Variants in TRAPPC3 observed in about 807,000 individuals in gnomAD.
TRAPPC3 encodes the protein trafficking protein particle complex 3.
TRAPPC3 carries 5 observed loss-of-function variants against 18.2 expected under a neutral mutation model. The observed-to-expected ratio is 0.28, with a 90% confidence interval of 0.14 to 0.58. The LOEUF is 0.58. Among genes scored for constraint, TRAPPC3 ranks in the 20% least tolerant of loss-of-function variants. The probability of loss-of-function intolerance (pLI) is 0.91; values close to 1 mark genes in which losing one functional copy is unlikely to be tolerated. For missense variants in TRAPPC3, 176 were observed against 225.9 expected (o/e 0.78, Z 1.41); for synonymous variants, 65 against 84.2 (o/e 0.77, Z 1.25).
At position 36,146,592 on chromosome 1, in the gene TRAPPC3, TA is replaced by T. The variant is rs58611478; in HGVS notation, c.42+2744del. On this transcript the variant is annotated intron_variant, in intron 1 of 4. Coordinates refer to ENST00000373166, the MANE Select transcript of TRAPPC3 (RefSeq NM_014408.5). ...AGCCACCGCACCCAGCCTACTTCAT[TA>T]AAAAAAAAAAAAAAAAAAAAAAAGA... Among the ~76,000 whole-genome samples the T allele has an allele frequency of 7.5e-3, 619 of 82,986 alleles. 2 individuals are homozygous for T. The highest frequency in any genetic ancestry group is 0.026 in the African/African-American group (426 of 16,674). The allele number at this position is 82,986 out of a possible 152,430, so 54.4% of individuals were successfully genotyped here.
At position 36,137,876 on chromosome 1, in the gene TRAPPC3, A is replaced by G. The variant is rs1187402503; in HGVS notation, c.343T>C (p.Phe115Leu). 15 of 1,614,102 alleles carry G rather than the reference A, an allele frequency of 9.3e-6. No homozygotes were observed. The highest frequency in any genetic ancestry group is 1.3e-5 in the Non-Finnish European group (15 of 1,180,048). ...GAGTGGTTATCAGGAAGTTCCACAA[A>G]GTCCACCAAGGGGTTATTTTCCAAA... ...LILENNPLVDFVELPDNHSSL... is the reference protein window; with the variant it reads ...LILENNPLVDLVELPDNHSSL... The change falls in exon 4 of 5, where the codon TTT (phenylalanine) becomes CTT (leucine). Residue 115 changes from phenylalanine to leucine, a missense_variant. Around this residue, in one of 2 missense-constraint regions of TRAPPC3, gnomAD observed 147 missense variants for 164.3 expected, o/e 0.89. Coordinates refer to ENST00000373166, the MANE Select transcript of TRAPPC3 (RefSeq NM_014408.5).
upstream of TRAPPC3, among the ~76,000 whole-genome samples, chr1:36,151,010 C>A (rs1644266815): frequency 6.6e-6 from 1 of 152,202 alleles, no homozygotes; most frequent in Non-Finnish European, 1.5e-5. Flanking sequence ...CCCCACCCTG[C>A]CTGCTGTCAA....
intron 1 of TRAPPC3, among the ~76,000 whole-genome samples, chr1:36,142,779 C>T (rs1053173162): frequency 6.6e-6 from 1 of 152,156 alleles, no homozygotes; most frequent in South Asian, 2.1e-4. Context: ...CTGGTAATCC[C>T]GGCACTTTGG....
intron 1 of TRAPPC3, among the ~76,000 whole-genome samples, chr1:36,144,821 G>C (rs1319003660): frequency 6.6e-6 from 1 of 152,194 alleles, no homozygotes; most frequent in Admixed American, 6.5e-5. Flanking sequence ...TAATGGACTT[G>C]AATGTGCTTT....
At chr1:36,143,176 G>C (rs1019472987) in intron 1 of TRAPPC3, among the ~76,000 whole-genome samples, 1 of 151,828 alleles carries the variant, frequency 6.6e-6, no homozygotes, top group Non-Finnish European at 1.5e-5. Context: ...TGAAATACAT[G>C]ATTTGCCAGA....
intron 1 of TRAPPC3, 114 bp from the exon 2 acceptor site, chr1:36,140,280 G>T: frequency 1.6e-6 from 1 of 637,482 alleles, no homozygotes; most frequent in Non-Finnish European, 2.5e-6. Flanking sequence ...GTGTCTGGAG[G>T]GAAAGAACAT....
chr1:36,150,317 A>G (rs907941608), upstream of TRAPPC3, among the ~76,000 whole-genome samples: 1 of 152,228 alleles, frequency 6.6e-6, no homozygotes, highest in African/African-American at 2.4e-5. Context: ...CTCCAAAAAC[A>G]AGCCAACAAA....
chr1:36,142,611 C>G (rs559816478), intron 1 of TRAPPC3, among the ~76,000 whole-genome samples: 1 of 152,276 alleles, frequency 6.6e-6, no homozygotes, highest in Admixed American at 6.5e-5. Context: ...GAATGGGATC[C>G]CTGAGTTAGG....
chr1:36,140,133 G>A lies in TRAPPC3; in HGVS notation c.76C>T (p.Leu26=), dbSNP rs574799798. 5.7e-5 allele frequency: 92 copies of A among 1,603,966 alleles called. No individual in the cohort carries two copies. The highest frequency in any genetic ancestry group is 7.4e-5 in the Non-Finnish European group (87 of 1,177,166). ...TAGTCCTTACATAGCTGGGTGACCAGGGCACCATAGGTCAGGGTGAAGAGC... is the reference window on the plus strand; with the variant it reads ...TAGTCCTTACATAGCTGGGTGACCAAGGCACCATAGGTCAGGGTGAAGAGC... ...SELFTLTYGA[L]VTQLCKDYEN... The change falls in exon 2 of 5, where the codon CTG becomes TTG. Residue 26 remains leucine (L), a synonymous_variant. Transcript: ENST00000373166.
At position 36,146,036 on chromosome 1, in the gene TRAPPC3, C is replaced by T. The variant is rs1005834166; in HGVS notation, c.42+3301G>A. Reference sequence around the variant, plus strand: ...CTCGTGATCCACCCGCCCTGGCCTCCCAAAGTGCTGGGATTACAGGCGTGA... The same window carrying T: ...CTCGTGATCCACCCGCCCTGGCCTCTCAAAGTGCTGGGATTACAGGCGTGA... On this transcript the variant is annotated intron_variant, in intron 1 of 4. Transcript: ENST00000373166. 7.2e-5 allele frequency among the ~76,000 whole-genome samples: 11 copies of T among 152,206 alleles called. No individual in the cohort carries two copies. In the Middle Eastern group the frequency reaches 0.01, roughly 141 times the overall value.
chr1:36,138,180 A>G (rs1461397028), intron 3 of TRAPPC3: 6 of 1,550,664 alleles, frequency 3.9e-6, no homozygotes, highest in African/African-American at 1.4e-5. Context: ...GGCATCATAC[A>G]GTTTTGCCTG....
chr1:36,147,535 T>C (rs1369430707), intron 1 of TRAPPC3, among the ~76,000 whole-genome samples: 1 of 151,428 alleles, frequency 6.6e-6, no homozygotes, highest in Non-Finnish European at 1.5e-5. Flanking sequence ...TACCAGCTAC[T>C]TGGGAGGCTG....
chr1:36,140,115 T>G lies in TRAPPC3; in HGVS notation c.94A>C (p.Lys32Gln), dbSNP rs145641137. ...TYGALVTQLC[K>Q]DYENDEDVNK... ...ACATCTTCATCATTTTCATAGTCCT[T>G]ACATAGCTGGGTGACCAGGGCACCA... is the stretch of plus-strand genomic sequence containing the variant. The change falls in exon 2 of 5, where the codon AAG becomes CAG. Residue 32 changes from lysine to glutamine, a missense_variant. Coordinates refer to ENST00000373166, the MANE Select transcript of TRAPPC3 (RefSeq NM_014408.5). 3.7e-6 allele frequency: 6 copies of G among 1,605,044 alleles called. No homozygotes were observed. The African/African-American group carries it at 8.1e-5, about 22-fold the overall frequency.
At chr1:36,137,654 C>A (rs1489210469) in intron 4 of TRAPPC3, 142 bp downstream of exon 4, 3 of 892,636 alleles carry the variant, frequency 3.4e-6, no homozygotes. Flanking sequence ...GACTTGGATC[C>A]TACCTCAGCA....
chr1:36,143,531 T>C (rs1314455267), intron 1 of TRAPPC3, among the ~76,000 whole-genome samples: 1 of 152,194 alleles, frequency 6.6e-6, no homozygotes, highest in East Asian at 1.9e-4. Context: ...TTGTGACTTT[T>C]AAAACAAAAG....
At chr1:36,146,257 T>C (rs1272406454) in intron 1 of TRAPPC3, among the ~76,000 whole-genome samples, 2 of 150,910 alleles carry the variant, frequency 1.3e-5, no homozygotes, top group Admixed American at 1.3e-4. Context: ...TTTTGTATTT[T>C]TAGTAGAGAT....
intron 1 of TRAPPC3, among the ~76,000 whole-genome samples, chr1:36,143,730 C>T (rs111704168): frequency 5.9e-5 from 9 of 152,330 alleles, no homozygotes; most frequent in African/African-American, 1.9e-4. Flanking sequence ...TTACAGATGA[C>T]AGGTTAAGTA....
intron 1 of TRAPPC3, among the ~76,000 whole-genome samples, chr1:36,145,027 T>G (rs1050721748): frequency 2.4e-4 from 37 of 151,932 alleles, no homozygotes; most frequent in African/African-American, 8.0e-4. Context: ...GATCTTTTTT[T>G]TCTTTTTTTT....
rs141225393 is a variant in TRAPPC3, at chr1:36,137,826, C to A, written c.393G>T (p.Leu131Phe). Residue 131 changes from leucine (L) to phenylalanine (F), a missense_variant, in exon 4 of 5, where the codon TTG becomes TTT. Around this residue, in one of 2 missense-constraint regions of TRAPPC3, gnomAD observed 147 missense variants for 164.3 expected, o/e 0.89. Transcript: ENST00000373166. ...NHSSLIYSNL[L>F]CGVLRGALEM... The stretch of plus-strand genomic sequence containing the variant: ...CCAAAGCTCCCCGCAACACCCCACA[C>A]AAGAGATTGGAATAAATAAGGGATG... 515 of 1,614,190 alleles carry A rather than the reference C, an allele frequency of 3.2e-4. No homozygotes were observed. The highest frequency in any genetic ancestry group is 8.2e-4 in the Middle Eastern group (5 of 6,062).
Sources: gnomAD v4.1 joint callset for allele counts (sites outside exome capture counted in the v4.1 genomes callset) on GRCh38, gnomAD v4.1.1 for gene constraint, gnomAD v4.1.1 regional missense constraint, MANE v1.5 for transcripts, NCBI Gene and HGNC (gene_info 2026-07-23, HGNC 2026-07-21) for gene names.